Variants in GNB4 observed in about 807,000 individuals in gnomAD.
GNB4 encodes guanine nucleotide-binding protein subunit beta-4.
In GNB4, 28 loss-of-function variants were observed where a neutral mutation model predicts 45.2. That is an observed-to-expected ratio of 0.62 (90% CI 0.46 to 0.85). The LOEUF is 0.85. Ranked by LOEUF, GNB4 falls within the 40% of genes least tolerant of loss-of-function variation. The pLI is 0.00. For synonymous variants in GNB4, 132 were observed against 143.7 expected, an observed-to-expected ratio of 0.92 and a Z score of 0.58; for missense variants, 321 against 425.4, an observed-to-expected ratio of 0.75 and a Z score of 2.16.
At chr3:179,421,434 G>GT (rs1714977734) in intron 2 of GNB4, among the ~76,000 whole-genome samples, 2 of 152,090 alleles carry the variant, frequency 1.3e-5, no homozygotes, top group Non-Finnish European at 1.5e-5. Context: ...CCAAACATCA[G>GT]TTTTTTTCAA....
the GNB4 span, among the ~76,000 whole-genome samples, chr3:179,493,176 G>A: frequency 6.6e-6 from 1 of 151,974 alleles, no homozygotes; most frequent in African/African-American, 2.4e-5. Flanking sequence ...AAAAGACAAG[G>A]GAACATGATG....
At chr3:179,443,608 T>C (rs985910127) in intron 1 of GNB4, among the ~76,000 whole-genome samples, 1 of 152,170 alleles carries the variant, frequency 6.6e-6, no homozygotes, top group Admixed American at 6.5e-5. Context: ...TCTTTCACTG[T>C]AGATTTCATT....
chr3:179,460,819 T>G, the GNB4 span, among the ~76,000 whole-genome samples: 4 of 152,102 alleles, frequency 2.6e-5, no homozygotes, highest in Non-Finnish European at 4.4e-5. Flanking sequence ...ATATATAATT[T>G]TTTATCTTTT....
At chr3:179,518,855 A>G in the GNB4 span, among the ~76,000 whole-genome samples, 192 of 152,326 alleles carry the variant, frequency 1.3e-3, 2 homozygotes, top group African/African-American at 4.5e-3. Flanking sequence ...TATTCTCAAT[A>G]TGCATTTTAC....
intron 3 of GNB4, among the ~76,000 whole-genome samples, 179 bp downstream of exon 3, chr3:179,420,710 T>C (rs1714953968): frequency 6.6e-6 from 1 of 152,066 alleles, no homozygotes; most frequent in Admixed American, 6.6e-5. Context: ...ATTTTAACAA[T>C]ATATTTTAAA....
chr3:179,405,718 T>C (rs1408626609), intron 8 of GNB4: 2 of 145,012 alleles, frequency 1.4e-5, no homozygotes, highest in Non-Finnish European at 2.9e-5. Flanking sequence ...ATTTATAGAA[T>C]ATATATGTGT....
At chr3:179,435,306 T>G (rs932197977) in intron 1 of GNB4, among the ~76,000 whole-genome samples, 3 of 152,150 alleles carry the variant, frequency 2.0e-5, no homozygotes, top group African/African-American at 4.8e-5. Flanking sequence ...TGTACTTAAT[T>G]ATTCCTTCTT....
chr3:179,428,240 CA>C (rs572481176), intron 1 of GNB4, among the ~76,000 whole-genome samples: 1 of 152,200 alleles, frequency 6.6e-6, no homozygotes, highest in Non-Finnish European at 1.5e-5. Context: ...GAACTAAAAT[CA>C]TTCTAATATT....
At chr3:179,463,301 A>C in the GNB4 span, among the ~76,000 whole-genome samples, 1 of 152,230 alleles carries the variant, frequency 6.6e-6, no homozygotes, top group African/African-American at 2.4e-5. Context: ...ATATGTTGGG[A>C]AATTTACTAT....
At chr3:179,494,265 G>T in the GNB4 span, among the ~76,000 whole-genome samples, 1 of 118,742 alleles carries the variant, frequency 8.4e-6, no homozygotes. Flanking sequence ...AAGAAAGGAA[G>T]AAAGAAAGAA....
chr3:179,519,104 T>G, the GNB4 span, among the ~76,000 whole-genome samples: 1 of 152,160 alleles, frequency 6.6e-6, no homozygotes, highest in Non-Finnish European at 1.5e-5. Context: ...GGCCAGGCAT[T>G]CCTCCAGGCC....
At chr3:179,450,440 CATAAT>C (rs1213349800) in intron 1 of GNB4, among the ~76,000 whole-genome samples, 1 of 152,124 alleles carries the variant, frequency 6.6e-6, no homozygotes, top group African/African-American at 2.4e-5. Flanking sequence ...GAGACGGACT[CATAAT>C]AAAAGTTCTA....
the GNB4 span, chr3:179,464,526 G>C: frequency 6.2e-7 from 1 of 1,611,082 alleles, no homozygotes; most frequent in Admixed American, 1.7e-5. Flanking sequence ...AGAAGAGTGG[G>C]TGGCCTCAGG....
rs1715871897 is a variant in GNB4, at chr3:179,451,436, C to G, written c.-133G>C. 1 of 151,152 alleles carries G rather than the reference C, an allele frequency of 6.6e-6. No homozygotes were observed. The highest frequency in any genetic ancestry group is 2.4e-5 in the African/African-American group (1 of 41,320). 9.4% of individuals were successfully genotyped at this position (151,152 alleles called of 1,614,324 possible). ...TGGAGCGCGGAGCCGGCGTGGAGAGCGCAGCTCACAGCCGAGACCAGAGCC... is the reference window on the plus strand; with the variant it reads ...TGGAGCGCGGAGCCGGCGTGGAGAGGGCAGCTCACAGCCGAGACCAGAGCC... On this transcript the variant is annotated 5_prime_UTR_variant, in exon 1 of 10. Transcript: ENST00000232564.
chr3:179,442,434 C>T (rs1460078209), intron 1 of GNB4, among the ~76,000 whole-genome samples: 1 of 152,132 alleles, frequency 6.6e-6, no homozygotes, highest in Non-Finnish European at 1.5e-5. Context: ...CTAAGAGGAG[C>T]CTCTTGGTTT....
intron 1 of GNB4, among the ~76,000 whole-genome samples, chr3:179,440,945 A>G (rs1377423165): frequency 2.6e-5 from 4 of 152,124 alleles, no homozygotes; most frequent in Non-Finnish European, 5.9e-5. Flanking sequence ...ACTCTTTTCC[A>G]GTCAACATTT....
chr3:179,509,498 G>T, the GNB4 span, among the ~76,000 whole-genome samples: 1 of 151,932 alleles, frequency 6.6e-6, no homozygotes, highest in Non-Finnish European at 1.5e-5. Flanking sequence ...TAGCCCTAGG[G>T]GTTGACGTTC....
At chr3:179,419,528 T>C (rs1714914375) in intron 3 of GNB4, 23 bp from the exon 4 acceptor site, 1 of 1,366,238 alleles carries the variant, frequency 7.3e-7, no homozygotes, top group African/African-American at 1.4e-5. Context: ...ACAAAAATGT[T>C]ATTCTTTACC....
At chr3:179,468,035 A>AAATATATATATATAT in the GNB4 span, among the ~76,000 whole-genome samples, 118 of 89,640 alleles carry the variant, frequency 1.3e-3, 4 homozygotes, top group Middle Eastern at 6.4e-3. Flanking sequence ...TGTTGATAAA[A>AAATATATATATATAT]ATATATATAT....
Sources: gnomAD v4.1 joint callset for allele counts (sites outside exome capture counted in the v4.1 genomes callset) on GRCh38, gnomAD v4.1.1 for gene constraint, MANE v1.5 for transcripts, NCBI Gene and HGNC (gene_info 2026-07-23, HGNC 2026-07-21) for gene names.